GRIK4: variants seen among roughly 807,000 people sequenced by gnomAD.
The protein encoded by GRIK4 is glutamate ionotropic receptor kainate type subunit 4.
A neutral mutation model predicts 104.9 loss-of-function variants in GRIK4; 40 were observed. The observed-to-expected ratio is 0.38, with a 90% CI of 0.30 to 0.50. GRIK4 has a LOEUF of 0.50. GRIK4 is among the 20% of genes least tolerant of loss of function. The probability of loss-of-function intolerance (pLI) is 0.93; values close to 1 mark genes in which losing one functional copy is unlikely to be tolerated. For missense variants in GRIK4, 1,047 were observed against 1,308.1 expected (o/e 0.80, Z 3.08); for synonymous variants, 485 against 524.9 (o/e 0.92, Z 1.04).
chr11:120,616,832 A>G (rs544516221), intron 1 of GRIK4, among the ~76,000 whole-genome samples: 4 of 152,308 alleles, frequency 2.6e-5, no homozygotes, highest in Admixed American at 2.0e-4. Flanking sequence ...CAAGCTTATA[A>G]TACACTACAG....
chr11:120,696,089 G>A (rs569035114), intron 3 of GRIK4, among the ~76,000 whole-genome samples: 19 of 152,296 alleles, frequency 1.2e-4, no homozygotes, highest in African/African-American at 4.6e-4. Context: ...AGATGGAGTA[G>A]GGACCCTGGG....
At chr11:120,822,211 C>CAAA (rs34732807) in intron 6 of GRIK4, among the ~76,000 whole-genome samples, 12 of 71,652 alleles carry the variant, frequency 1.7e-4, no homozygotes, top group South Asian at 1.2e-3. Flanking sequence ...AACCCTATCT[C>CAAA]AAAAAAAAAA....
At chr11:120,876,873 A>G (rs542351152) in intron 11 of GRIK4, among the ~76,000 whole-genome samples, 5 of 152,358 alleles carry the variant, frequency 3.3e-5, no homozygotes, top group African/African-American at 1.2e-4. Flanking sequence ...GCAGTTGTCA[A>G]GCACCCAAGG....
At chr11:120,539,868 C>T (rs1200969905) in intron 1 of GRIK4, among the ~76,000 whole-genome samples, 2 of 152,152 alleles carry the variant, frequency 1.3e-5, no homozygotes, top group East Asian at 3.9e-4. Context: ...GTTTGGCTTT[C>T]AAAGGCCTTT....
chr11:120,853,499 T>C (rs543797832), intron 8 of GRIK4, among the ~76,000 whole-genome samples: 2 of 152,040 alleles, frequency 1.3e-5, no homozygotes, highest in African/African-American at 4.8e-5. Flanking sequence ...ATTCAAGAGA[T>C]GTAAAGGAAT....
chr11:120,947,102 T>C (rs1207674576), intron 14 of GRIK4, among the ~76,000 whole-genome samples: 1 of 152,184 alleles, frequency 6.6e-6, no homozygotes, highest in Non-Finnish European at 1.5e-5. Context: ...AGACAGTGTT[T>C]AAAAAGTAAG....
chr11:120,729,850 C>T (rs897698628), intron 3 of GRIK4, among the ~76,000 whole-genome samples: 1 of 152,164 alleles, frequency 6.6e-6, no homozygotes, highest in African/African-American at 2.4e-5. Context: ...GACCAGTGTC[C>T]TGGAGAGTTT....
intron 1 of GRIK4, among the ~76,000 whole-genome samples, chr11:120,633,482 A>T (rs866707683): frequency 2.0e-5 from 3 of 152,144 alleles, no homozygotes; most frequent in Admixed American, 6.5e-5. Context: ...AAAGCCTTTG[A>T]CTTAGACATT....
intron 19 of GRIK4, among the ~76,000 whole-genome samples, chr11:120,978,613 T>G (rs1944600968): frequency 6.6e-6 from 1 of 152,098 alleles, no homozygotes; most frequent in African/African-American, 2.4e-5. Context: ...GGAAATAGTT[T>G]TAAAGGCTAC....
intron 11 of GRIK4, among the ~76,000 whole-genome samples, chr11:120,893,898 TGTC>T (rs1198392358): frequency 4.6e-5 from 7 of 152,218 alleles, no homozygotes; most frequent in African/African-American, 1.7e-4. Context: ...TCATCCTGTT[TGTC>T]GTCTGAGTTG....
At chr11:120,799,854 A>G (rs568234255) in intron 3 of GRIK4, among the ~76,000 whole-genome samples, 4 of 151,944 alleles carry the variant, frequency 2.6e-5, no homozygotes, top group Non-Finnish European at 5.9e-5. Flanking sequence ...CCTATTTTAT[A>G]TATTTATTTT....
chr11:120,686,142 G>T (rs978227502), intron 3 of GRIK4, among the ~76,000 whole-genome samples: 3 of 151,694 alleles, frequency 2.0e-5, no homozygotes, highest in African/African-American at 7.3e-5. Context: ...CATCGTAAGC[G>T]CATAATAAAT....
intron 13 of GRIK4, among the ~76,000 whole-genome samples, chr11:120,931,451 G>C (rs1224246633): frequency 6.6e-6 from 1 of 152,152 alleles, no homozygotes; most frequent in Non-Finnish European, 1.5e-5. Context: ...GGAGTGAGGA[G>C]AAAAATGCAG....
chr11:120,612,111 G>GT (rs1949044988), intron 1 of GRIK4, among the ~76,000 whole-genome samples: 1 of 152,120 alleles, frequency 6.6e-6, no homozygotes, highest in Non-Finnish European at 1.5e-5. Context: ...CTCCTGACAT[G>GT]CTTGTCATAC....
In GRIK4 at chr11:120,654,655, A is replaced by C. The variant is rs562008972; in HGVS notation, c.-51+863A>C. ...TGGGATTACAGGTGTTAGCCACCAC[A>C]CCTGGCCAGTATTTATTATTGAGTG... On this transcript the variant is annotated intron_variant, in intron 2 of 20. Transcript: ENST00000527524. Among the ~76,000 whole-genome samples the C allele has an allele frequency of 5.9e-5, 9 of 152,258 alleles. No homozygotes were observed. In the East Asian group the frequency reaches 1.7e-3, roughly 29 times the overall value.
At chr11:120,638,440 AT>A (rs1422938198) in intron 1 of GRIK4, among the ~76,000 whole-genome samples, 1 of 151,170 alleles carries the variant, frequency 6.6e-6, no homozygotes, top group Non-Finnish European at 1.5e-5. Context: ...CATGATGTTT[AT>A]CCTCATGCTC....
At chr11:120,654,483 C>T (rs961478922) in intron 2 of GRIK4, among the ~76,000 whole-genome samples, 2 of 152,236 alleles carry the variant, frequency 1.3e-5, no homozygotes, top group East Asian at 1.9e-4. Context: ...CTGCCTCAGC[C>T]TCCCGAGTAG....
At chr11:120,620,363 G>A (rs1424969775) in intron 1 of GRIK4, 18 of 590,186 alleles carry the variant, frequency 3.0e-5, no homozygotes, top group African/African-American at 5.6e-5. Flanking sequence ...CACTTGTCTC[G>A]AGCCACCACA....
chr11:120,568,136 C>T (rs907567246), intron 1 of GRIK4, among the ~76,000 whole-genome samples: 67 of 152,160 alleles, frequency 4.4e-4, no homozygotes, highest in Admixed American at 4.0e-3. Context: ...TATTATTGCA[C>T]CACTGTACTC....
Sources: gnomAD v4.1 joint callset for allele counts (sites outside exome capture counted in the v4.1 genomes callset) on GRCh38, gnomAD v4.1.1 for gene constraint, MANE v1.5 for transcripts, NCBI Gene and HGNC (gene_info 2026-07-23, HGNC 2026-07-21) for gene names.